PHYHIPL: variants seen among roughly 807,000 people sequenced by gnomAD.
PHYHIPL encodes phytanoyl-CoA hydroxylase-interacting protein-like.
In PHYHIPL, 9 loss-of-function variants were observed where a neutral mutation model predicts 33.4. The ratio of observed to expected loss-of-function variants is 0.27; its 90% CI spans 0.16 to 0.47. PHYHIPL has a LOEUF of 0.47. Ranked by LOEUF, PHYHIPL falls within the 20% of genes least tolerant of loss-of-function variation. The pLI, the probability that PHYHIPL is intolerant of heterozygous loss-of-function variation, is 0.99. For synonymous variants in PHYHIPL, 153 were observed against 154.1 expected, an observed-to-expected ratio of 0.99 and a Z score of 0.05; for missense variants, 365 against 460.7, an observed-to-expected ratio of 0.79 and a Z score of 1.90.
At chr10:59,209,288 A>G (rs1438776714) in intron 1 of PHYHIPL, among the ~76,000 whole-genome samples, 1 of 152,202 alleles carries the variant, frequency 6.6e-6, no homozygotes, top group Non-Finnish European at 1.5e-5. Context: ...ATTCTTAAAG[A>G]AAAGAATTTT....
At position 59,230,971 on chromosome 10, in the gene PHYHIPL, C is replaced by T. The variant is rs537930625; in HGVS notation, c.107-3333C>T. Among the ~76,000 whole-genome samples the T allele has an allele frequency of 8.7e-4, 132 of 152,096 alleles. 3 individuals carry two copies. Among genetic ancestry groups the T allele is most frequent in the Non-Finnish European group, 1.3e-3 (91 of 68,002 alleles). ...GCAGATGAAACCACCAAGTAACAGGCTTCAGAGAGAATAGATTATAAATGT... is the reference window on the plus strand; with the variant it reads ...GCAGATGAAACCACCAAGTAACAGGTTTCAGAGAGAATAGATTATAAATGT... On this transcript the variant is annotated intron_variant, in intron 1 of 4. Coordinates refer to ENST00000373880, the MANE Select transcript of PHYHIPL (RefSeq NM_032439.4).
At chr10:59,182,517 G>C in intron 1 of PHYHIPL, among the ~76,000 whole-genome samples, 1 of 151,812 alleles carries the variant, frequency 6.6e-6, no homozygotes, top group East Asian at 1.9e-4. Context: ...TAATTTTTGT[G>C]TTTTTAGTAG....
At chr10:59,185,086 G>A (rs909948013) in intron 1 of PHYHIPL, among the ~76,000 whole-genome samples, 2 of 148,094 alleles carry the variant, frequency 1.4e-5, no homozygotes, top group Admixed American at 6.8e-5. Flanking sequence ...CGCCTCCCAG[G>A]TTCACGCCAT....
Position 59,230,037 on chromosome 10 carries a change from T to A in PHYHIPL, c.107-4267T>A, listed in dbSNP as rs562485881. On this transcript the variant is annotated intron_variant, in intron 1 of 4. Transcript: ENST00000373880. ...TTCACCACAACAACACTGGTTTTTT[T>A]ATGCATAGATTGAGGTATGTGACTT... Among the ~76,000 whole-genome samples the A allele has an allele frequency of 7.2e-5, 11 of 152,266 alleles. 1 individual carries two copies. Among genetic ancestry groups the A allele is most frequent in the East Asian group, 3.9e-4 (2 of 5,180 alleles).
At chr10:59,180,576 T>TTTATGATG in intron 1 of PHYHIPL, among the ~76,000 whole-genome samples, 1 of 151,790 alleles carries the variant, frequency 6.6e-6, no homozygotes, top group South Asian at 2.1e-4. Flanking sequence ...AACCATAGGG[T>TTTATGATG]TTATGATGTA....
intron 1 of PHYHIPL, among the ~76,000 whole-genome samples, chr10:59,223,159 T>C (rs1839826827): frequency 6.6e-6 from 1 of 152,224 alleles, no homozygotes; most frequent in Non-Finnish European, 1.5e-5. Flanking sequence ...TTGTGATAAA[T>C]GTTCAGAGGT....
chr10:59,180,339 T>G (rs1248851354), intron 1 of PHYHIPL, among the ~76,000 whole-genome samples: 1 of 77,532 alleles, frequency 1.3e-5, no homozygotes, highest in African/African-American at 3.3e-5. Flanking sequence ...TATATATATA[T>G]ATATATATAT....
At chr10:59,188,412 C>T (rs958681275) in intron 1 of PHYHIPL, among the ~76,000 whole-genome samples, 6 of 152,052 alleles carry the variant, frequency 3.9e-5, no homozygotes, top group African/African-American at 9.6e-5. Context: ...GGAATAGGTG[C>T]GGTGTGGTGC....
intron 1 of PHYHIPL, among the ~76,000 whole-genome samples, chr10:59,196,685 G>A (rs990229161): frequency 5.3e-5 from 8 of 151,740 alleles, no homozygotes; most frequent in Middle Eastern, 3.4e-3. Context: ...CCCAAAGTGT[G>A]GTATTACACG....
chr10:59,236,372 T>A, intron 2 of PHYHIPL, 111 bp from the exon 3 acceptor site: 1 of 491,116 alleles, frequency 2.0e-6, no homozygotes, highest in South Asian at 4.6e-5. Context: ...CTTCCTTCCC[T>A]CCTTCTCCCT....
Position 59,246,684 on chromosome 10 carries a change from T to C in PHYHIPL, c.*1093T>C, listed in dbSNP as rs1267657463. 7.5e-6 allele frequency: 3 copies of C among 397,454 alleles called. No homozygotes were observed. Among genetic ancestry groups the C allele is most frequent in the Non-Finnish European group, 1.3e-5 (3 of 225,302 alleles). The allele number at this position is 397,454 out of a possible 1,614,324, so 24.6% of individuals were successfully genotyped here. A position where few individuals can be genotyped will look rare whatever the true frequency, so the allele number is the denominator to read the frequency against. On this transcript the variant is annotated 3_prime_UTR_variant, in exon 5 of 5. Transcript: ENST00000373880. ...CAAACAATTTCCAAACTTTTCATTT[T>C]GTACAGAAGGATGAATAACTACAGC...
In PHYHIPL at chr10:59,176,788, T is replaced by C; in HGVS notation, c.-66T>C. 3 of 1,441,784 alleles carry C rather than the reference T, an allele frequency of 2.1e-6. No individual in the cohort carries two copies. Among genetic ancestry groups the C allele is most frequent in the East Asian group, 4.9e-5 (2 of 40,634 alleles). The allele number at this position is 1,441,784 out of a possible 1,614,324, so 89.3% of individuals were successfully genotyped here. A position where few individuals can be genotyped will look rare whatever the true frequency, so the allele number is the denominator to read the frequency against. On this transcript the variant is annotated 5_prime_UTR_variant, in exon 1 of 5. Coordinates refer to ENST00000373880, the MANE Select transcript of PHYHIPL (RefSeq NM_032439.4). ...ACTCCCCCTCCCTTTCCCGCTCTTC[T>C]TGCCCACCCGGCCGGCAGAGAGAGC...
chr10:59,233,676 A>G (rs1239723221), intron 1 of PHYHIPL, among the ~76,000 whole-genome samples: 2 of 151,760 alleles, frequency 1.3e-5, no homozygotes, highest in Admixed American at 1.3e-4. Context: ...AAATTCTTCA[A>G]GATTTTAATA....
chr10:59,216,312 T>C (rs1244184733), intron 1 of PHYHIPL, among the ~76,000 whole-genome samples: 1 of 152,140 alleles, frequency 6.6e-6, no homozygotes, highest in African/African-American at 2.4e-5. Flanking sequence ...TTGTACAAAG[T>C]TCAGTGCTTG....
In PHYHIPL at chr10:59,208,641, C is replaced by T. The variant is rs146972444; in HGVS notation, c.107-25663C>T. On this transcript the variant is annotated intron_variant, in intron 1 of 4. Transcript: ENST00000373880. ...AACAAACTCCTTTGAGCTAAAGGAG[C>T]GTGTTCTAATCCAATGCAAGGAAGC... Among the ~76,000 whole-genome samples, 350 of 151,962 alleles carry T rather than the reference C, an allele frequency of 2.3e-3. 1 individual carries two copies. The highest frequency in any genetic ancestry group is 4.5e-3 in the Non-Finnish European group (304 of 67,956).
intron 1 of PHYHIPL, among the ~76,000 whole-genome samples, chr10:59,184,342 C>T (rs571070109): frequency 1.8e-4 from 28 of 152,254 alleles, no homozygotes; most frequent in African/African-American, 6.7e-4. Flanking sequence ...ATTGTCTAGA[C>T]CTTTATAGGA....
intron 1 of PHYHIPL, among the ~76,000 whole-genome samples, chr10:59,189,221 A>G (rs1421619089): frequency 6.6e-5 from 10 of 151,940 alleles, no homozygotes; most frequent in Non-Finnish European, 1.3e-4. Context: ...TTAATTTCCA[A>G]TCTGTTACAG....
intron 1 of PHYHIPL, among the ~76,000 whole-genome samples, chr10:59,194,162 A>G (rs983440110): frequency 6.7e-6 from 1 of 149,870 alleles, no homozygotes; most frequent in African/African-American, 2.5e-5. Context: ...GCTCACTGCA[A>G]TCTTTGCTTC....
intron 1 of PHYHIPL, among the ~76,000 whole-genome samples, chr10:59,200,039 A>G (rs1235015056): frequency 6.6e-6 from 1 of 152,040 alleles, no homozygotes; most frequent in African/African-American, 2.4e-5. Context: ...CTAATTGAAT[A>G]CCCTTTATTT....
Sources: allele counts gnomAD v4.1 joint callset (sites outside exome capture counted in the v4.1 genomes callset), GRCh38; gene constraint gnomAD v4.1.1; transcripts MANE v1.5; gene names NCBI Gene and HGNC (gene_info 2026-07-23, HGNC 2026-07-21).